CREB3L1: variants seen among roughly 807,000 people sequenced by gnomAD.
The protein encoded by CREB3L1 is cyclic AMP-responsive element-binding protein 3-like protein 1.
In CREB3L1, 33 loss-of-function variants were observed where a neutral mutation model predicts 54.5. The ratio of observed to expected loss-of-function variants is 0.61; its 90% CI spans 0.46 to 0.81. The LOEUF (loss-of-function observed/expected upper bound fraction) is 0.81, where lower values mean the gene tolerates loss of function less well. Ranked by LOEUF, CREB3L1 falls within the 30% of genes least tolerant of loss-of-function variation. The probability of loss-of-function intolerance (pLI) is 0.00; values close to 1 mark genes in which losing one functional copy is unlikely to be tolerated. For missense variants in CREB3L1, 656 were observed against 673.3 expected (o/e 0.97, Z 0.29); for synonymous variants, 284 against 286.4 (o/e 0.99, Z 0.08).
At chr11:46,300,990 G>A (rs1251947988) in intron 2 of CREB3L1, among the ~76,000 whole-genome samples, 2 of 130,616 alleles carry the variant, frequency 1.5e-5, no homozygotes, top group Non-Finnish European at 3.2e-5. Context: ...GGGCGACAGA[G>A]CGAGACTCCA....
In CREB3L1 at chr11:46,311,116, C is replaced by G. The variant is rs776576938; in HGVS notation, c.680C>G (p.Pro227Arg). The change falls in exon 5 of 12, where the codon CCC (proline) becomes CGC (arginine). Residue 227 changes from proline (P) to arginine (R), a missense_variant. Transcript: ENST00000621158. ...DGSQSPRSLPPSSPVRPMARS... is the reference protein window; with the variant it reads ...DGSQSPRSLPRSSPVRPMARS... The stretch of plus-strand genomic sequence containing the variant: ...TCCCAGAGTCCCCGCTCTCTGCCCC[C>G]CTCCAGCCCTGTCAGGCCCATGGCG... 9 of 1,607,618 alleles carry G rather than the reference C, an allele frequency of 5.6e-6. No homozygotes were observed. Among genetic ancestry groups the G allele is most frequent in the Middle Eastern group, 1.6e-4 (1 of 6,076 alleles).
chr11:46,297,294 C>T (rs1335208191), intron 1 of CREB3L1, among the ~76,000 whole-genome samples: 3 of 152,216 alleles, frequency 2.0e-5, no homozygotes, highest in Non-Finnish European at 4.4e-5. Context: ...CTTAGAAACT[C>T]ATTCAGCTCT....
intron 10 of CREB3L1, among the ~76,000 whole-genome samples, chr11:46,318,719 CA>C (rs1939603948): frequency 6.6e-6 from 1 of 152,174 alleles, no homozygotes; most frequent in Admixed American, 6.5e-5. Context: ...CATCACTTAC[CA>C]GTCAGTCACT....
At chr11:46,298,298 A>C (rs1176337787) in intron 1 of CREB3L1, among the ~76,000 whole-genome samples, 1 of 152,194 alleles carries the variant, frequency 6.6e-6, no homozygotes, top group Non-Finnish European at 1.5e-5. Context: ...ACAAGCCTTT[A>C]ACCACTCAGC....
At position 46,312,376 on chromosome 11, in the gene CREB3L1, A is replaced by G. The variant is rs1260083730; in HGVS notation, c.805A>G (p.Thr269Ala). The change falls in exon 6 of 12, where the codon ACC (threonine) becomes GCC (alanine). Residue 269 changes from threonine to alanine, a missense_variant. This residue lies in a region of CREB3L1 where 77 missense variants were observed against 122.0 expected (regional missense o/e 0.63). Coordinates refer to ENST00000621158, the MANE Select transcript of CREB3L1 (RefSeq NM_052854.4). ...PLLLTEEEKR[T>A]LIAEGYPIPT... is the part of the protein sequence containing the mutation. ...GCTCCTGACAGAGGAGGAGAAGCGGACCCTGATTGCTGAGGGCTACCCCAT... is the reference window on the plus strand; with the variant it reads ...GCTCCTGACAGAGGAGGAGAAGCGGGCCCTGATTGCTGAGGGCTACCCCAT... 1 of 1,613,378 alleles carries G rather than the reference A, an allele frequency of 6.2e-7. No homozygotes were observed. The highest frequency in any genetic ancestry group is 8.5e-7 in the Non-Finnish European group (1 of 1,179,674).
In CREB3L1 at chr11:46,316,283, C is replaced by T. The variant is rs1939564666; in HGVS notation, c.1032-3C>T. On this transcript the variant is annotated splice_region_variant and splice_polypyrimidine_tract_variant and intron_variant, in intron 8 of 11. Transcript: ENST00000621158. Reference sequence around the variant, plus strand: ...TGCCAGCTGACTGCTGTGCCCTCCTCAGGACCCTGCTCCAGCAGCTGCAGA... The same window carrying T: ...TGCCAGCTGACTGCTGTGCCCTCCTTAGGACCCTGCTCCAGCAGCTGCAGA... The T allele has an allele frequency of 1.9e-6, 3 of 1,555,200 alleles. No homozygotes were observed. Among genetic ancestry groups the T allele is most frequent in the Non-Finnish European group, 2.6e-6 (3 of 1,147,918 alleles).
intron 5 of CREB3L1, 28 bp from the exon 6 acceptor site, chr11:46,312,294 GCTC>G: frequency 6.5e-7 from 1 of 1,547,300 alleles, no homozygotes. Context: ...GGGCTGCCTG[GCTC>G]CTAACTACCA....
chr11:46,284,859 A>G (rs893730933), intron 1 of CREB3L1, among the ~76,000 whole-genome samples: 1 of 152,118 alleles, frequency 6.6e-6, no homozygotes, highest in Non-Finnish European at 1.5e-5. Context: ...AAAATTCAGG[A>G]TCTTTCATAT....
chr11:46,314,249 A>G (rs574454384), intron 8 of CREB3L1, among the ~76,000 whole-genome samples: 5 of 151,930 alleles, frequency 3.3e-5, no homozygotes, highest in East Asian at 1.9e-4. Context: ...AAAAAAAAAA[A>G]AAAGAAAGAA....
chr11:46,291,473 T>C (rs146203415), intron 1 of CREB3L1, among the ~76,000 whole-genome samples: 1 of 152,202 alleles, frequency 6.6e-6, no homozygotes, highest in Non-Finnish European at 1.5e-5. Flanking sequence ...GCACAGTGTA[T>C]AGCAGAACCA....
rs146125951 is a variant in CREB3L1 at position 46,288,119 on chromosome 11, G to A, written c.102+9906G>A. Among the ~76,000 whole-genome samples, 646 of 151,892 alleles carry A rather than the reference G, an allele frequency of 4.3e-3. 4 individuals are homozygous for A. The highest frequency in any genetic ancestry group is 0.015 in the African/African-American group (609 of 41,376). On this transcript the variant is annotated intron_variant, in intron 1 of 11. Transcript: ENST00000621158. ...TATTTTTGAGATGGAGTCTCGCTCT[G>A]TTGCCCAGGCTGGAATGCAATGGCG...
rs144933354 is a variant in CREB3L1 at position 46,284,966 on chromosome 11, C to T, written c.102+6753C>T. Among the ~76,000 whole-genome samples, 50 of 152,298 alleles carry T rather than the reference C, an allele frequency of 3.3e-4. 2 individuals are homozygous for T. The East Asian group carries it at 8.3e-3, about 25-fold the overall frequency. On this transcript the variant is annotated intron_variant, in intron 1 of 11. Transcript: ENST00000621158. Reference sequence around the variant, plus strand: ...CAAAACCAGATCCCCTGAATAAGCTCCCACATCCCATTTCACACCCTATCA... The same window carrying T: ...CAAAACCAGATCCCCTGAATAAGCTTCCACATCCCATTTCACACCCTATCA...
intron 2 of CREB3L1, among the ~76,000 whole-genome samples, chr11:46,302,118 A>C (rs1044743471): frequency 1.3e-5 from 2 of 150,938 alleles, no homozygotes. Flanking sequence ...CAGTGAGCTG[A>C]GATTGCGTCA....
chr11:46,306,781 T>C (rs1939402826), intron 2 of CREB3L1, among the ~76,000 whole-genome samples: 4 of 152,076 alleles, frequency 2.6e-5, no homozygotes, highest in African/African-American at 9.7e-5. Flanking sequence ...TACTCTTTTT[T>C]TTTTTTCAAG....
Position 46,321,148 on chromosome 11 carries a change from C to A in CREB3L1, c.*402C>A, listed in dbSNP as rs1037890898. 4.9e-6 allele frequency: 2 copies of A among 404,698 alleles called. No individual in the cohort carries two copies. The highest frequency in any genetic ancestry group is 3.0e-5 in the South Asian group (1 of 32,830). The allele number at this position is 404,698 out of a possible 1,614,324, so 25.1% of individuals were successfully genotyped here. A position where few individuals can be genotyped will look rare whatever the true frequency, so the allele number is the denominator to read the frequency against. On this transcript the variant is annotated 3_prime_UTR_variant, in exon 12 of 12. Transcript: ENST00000621158. ...ACAGAAATTGTTTGTAAATAATGAA[C>A]CTTATTTTTTATTATTGCCAATCCC...
At chr11:46,308,387 CA>C (rs200179867) in intron 3 of CREB3L1, among the ~76,000 whole-genome samples, 1 of 152,000 alleles carries the variant, frequency 6.6e-6, no homozygotes, top group Non-Finnish European at 1.5e-5. Flanking sequence ...AAGGAAATTA[CA>C]AAAAAAAGTG....
chr11:46,285,307 G>C (rs1219228111), intron 1 of CREB3L1, among the ~76,000 whole-genome samples: 2 of 152,168 alleles, frequency 1.3e-5, no homozygotes, highest in Admixed American at 1.3e-4. Flanking sequence ...CAGCACTCCT[G>C]GGGGCAGGAT....
intron 1 of CREB3L1, among the ~76,000 whole-genome samples, chr11:46,297,587 G>T (rs1939232096): frequency 6.6e-6 from 1 of 151,036 alleles, no homozygotes; most frequent in Non-Finnish European, 1.5e-5. Flanking sequence ...ATATGCATTT[G>T]TCTTGTCTCA....
chr11:46,304,231 G>A (rs1051538226), intron 2 of CREB3L1, among the ~76,000 whole-genome samples: 1 of 152,190 alleles, frequency 6.6e-6, no homozygotes, highest in Non-Finnish European at 1.5e-5. Flanking sequence ...CCAGCACTTT[G>A]GTAGGCCGAG....
Sources: allele counts gnomAD v4.1 joint callset (sites outside exome capture counted in the v4.1 genomes callset), GRCh38; gene constraint gnomAD v4.1.1; regional missense constraint gnomAD v4.1.1; transcripts MANE v1.5; gene names NCBI Gene and HGNC (gene_info 2026-07-23, HGNC 2026-07-21).